The following XKR4 variants were observed in gnomAD, a reference collection of about 807,000 sequenced individuals.
XKR4 encodes the protein XK-related protein 4.
A neutral mutation model predicts 53.9 loss-of-function variants in XKR4; 12 were observed. The ratio of observed to expected loss-of-function variants is 0.22; its 90% CI spans 0.14 to 0.36. The LOEUF is 0.36. Ranked by LOEUF, XKR4 falls within the 10% of genes least tolerant of loss-of-function variation. XKR4 has a pLI of 1.00. For synonymous variants in XKR4, 354 were observed against 362.4 expected, an observed-to-expected ratio of 0.98 and a Z score of 0.26; for missense variants, 799 against 859.5, an observed-to-expected ratio of 0.93 and a Z score of 0.88.
intron 1 of XKR4, among the ~76,000 whole-genome samples, chr8:55,147,305 C>A (rs1206260405): frequency 1.3e-5 from 2 of 152,164 alleles, no homozygotes; most frequent in Non-Finnish European, 2.9e-5. Context: ...AATACAACAG[C>A]CAGTAGCCAT....
intron 2 of XKR4, among the ~76,000 whole-genome samples, chr8:55,510,765 T>C (rs983468517): frequency 7.9e-5 from 12 of 152,240 alleles, no homozygotes; most frequent in African/African-American, 2.9e-4. Context: ...GAAAAACTTT[T>C]TCCTTTTTCA....
intron 1 of XKR4, among the ~76,000 whole-genome samples, chr8:55,255,844 G>A (rs1243053122): frequency 6.6e-6 from 1 of 152,050 alleles, no homozygotes; most frequent in Non-Finnish European, 1.5e-5. Flanking sequence ...AGTGTCCGTT[G>A]TCTGCCAGGC....
At chr8:55,423,178 C>T (rs1189054526) in intron 2 of XKR4, among the ~76,000 whole-genome samples, 1 of 152,020 alleles carries the variant, frequency 6.6e-6, no homozygotes, top group Non-Finnish European at 1.5e-5. Context: ...TTACTGCAAC[C>T]TCTACCTCCC....
intron 1 of XKR4, among the ~76,000 whole-genome samples, chr8:55,356,402 A>C (rs1349605849): frequency 2.0e-5 from 3 of 152,196 alleles, no homozygotes; most frequent in Non-Finnish European, 4.4e-5. Context: ...CATTAAAATC[A>C]AGACAAAGAA....
chr8:55,362,449 A>G (rs986257431), intron 2 of XKR4, among the ~76,000 whole-genome samples: 1 of 152,196 alleles, frequency 6.6e-6, no homozygotes, highest in Non-Finnish European at 1.5e-5. Flanking sequence ...TGGTGACAAT[A>G]AAATCAAGCA....
chr8:55,164,280 G>A (rs1463397526), intron 1 of XKR4: 7 of 455,878 alleles, frequency 1.5e-5, no homozygotes, highest in African/African-American at 6.0e-5. Context: ...CCTGACCCTC[G>A]TCCATTCTCC....
intron 2 of XKR4, among the ~76,000 whole-genome samples, chr8:55,372,547 CTTT>C (rs199937774): frequency 1.4e-5 from 2 of 139,420 alleles, no homozygotes. Context: ...TCCCAGATAG[CTTT>C]TTTTTTTTTT....
intron 1 of XKR4, among the ~76,000 whole-genome samples, chr8:55,152,023 C>T (rs2129355774): frequency 6.6e-6 from 1 of 152,200 alleles, no homozygotes; most frequent in South Asian, 2.1e-4. Context: ...ATTTTTAAGG[C>T]TTCTGATTTA....
chr8:55,493,012 A>G (rs183843768), intron 2 of XKR4, among the ~76,000 whole-genome samples: 6 of 152,358 alleles, frequency 3.9e-5, no homozygotes, highest in Admixed American at 1.3e-4. Context: ...AACTATGCCA[A>G]CAATGACTCT....
At chr8:55,115,346 G>T (rs959266915) in intron 1 of XKR4, among the ~76,000 whole-genome samples, 1 of 151,408 alleles carries the variant, frequency 6.6e-6, no homozygotes, top group Non-Finnish European at 1.5e-5. Context: ...GTATAGCAAG[G>T]GTTGTTGCTT....
At chr8:55,282,421 C>T (rs1414002180) in intron 1 of XKR4, among the ~76,000 whole-genome samples, 1 of 152,162 alleles carries the variant, frequency 6.6e-6, no homozygotes. Context: ...ATATAAGAAG[C>T]ATGGGTGCCA....
Position 55,310,706 on chromosome 8 carries a change from C to T in XKR4, c.807-46972C>T, listed in dbSNP as rs143247233. On this transcript the variant is annotated intron_variant, in intron 1 of 2. Transcript: ENST00000327381. Reference sequence around the variant, plus strand: ...GGCTAAAAGTTTGGGTGTAAAAAGACGCTTGAATTAACTCAACAGACATTT... The same window carrying T: ...GGCTAAAAGTTTGGGTGTAAAAAGATGCTTGAATTAACTCAACAGACATTT... 6.0e-3 allele frequency among the ~76,000 whole-genome samples: 920 copies of T among 152,288 alleles called. 10 individuals carry two copies. Among genetic ancestry groups the T allele is most frequent in the African/African-American group, 0.019 (808 of 41,560 alleles).
intron 2 of XKR4, among the ~76,000 whole-genome samples, chr8:55,362,937 T>A (rs115909905): frequency 0.01 from 1,546 of 152,278 alleles, 11 homozygotes; most frequent in Middle Eastern, 0.027. Context: ...TGAGGGTGTA[T>A]AAACCACAGC....
chr8:55,213,728 G>A (rs928922281), intron 1 of XKR4, among the ~76,000 whole-genome samples: 2 of 152,094 alleles, frequency 1.3e-5, no homozygotes, highest in African/African-American at 4.8e-5. Flanking sequence ...ACATTTTGGA[G>A]GTTAGAAGTA....
At chr8:55,368,761 G>C (rs1407539618) in intron 2 of XKR4, among the ~76,000 whole-genome samples, 1 of 152,174 alleles carries the variant, frequency 6.6e-6, no homozygotes, top group Non-Finnish European at 1.5e-5. Flanking sequence ...AAAGTCCTCT[G>C]ACTGAAGAAT....
intron 1 of XKR4, among the ~76,000 whole-genome samples, chr8:55,322,964 A>AT (rs1232956165): frequency 6.6e-6 from 1 of 152,030 alleles, no homozygotes. Flanking sequence ...GTCATCTTGT[A>AT]TTTTTTTCTC....
chr8:55,164,703 A>G (rs1817040543), intron 1 of XKR4: 1 of 293,686 alleles, frequency 3.4e-6, no homozygotes, highest in Admixed American at 4.3e-5. Flanking sequence ...AAGTCAAATC[A>G]AACCCATGTA....
chr8:55,238,026 C>T (rs1818158711), intron 1 of XKR4, among the ~76,000 whole-genome samples: 1 of 152,132 alleles, frequency 6.6e-6, no homozygotes, highest in Admixed American at 6.5e-5. Flanking sequence ...GTCTTGGTCA[C>T]ACATTTCCTC....
At chr8:55,139,832 G>A (rs1037318469) in intron 1 of XKR4, among the ~76,000 whole-genome samples, 18 of 152,086 alleles carry the variant, frequency 1.2e-4, no homozygotes, top group Non-Finnish European at 2.4e-4. Flanking sequence ...CTGGCAGAGA[G>A]TATTTAGGAA....
Sources: gnomAD v4.1 joint callset for allele counts (sites outside exome capture counted in the v4.1 genomes callset) on GRCh38, gnomAD v4.1.1 for gene constraint, MANE v1.5 for transcripts, NCBI Gene and HGNC (gene_info 2026-07-23, HGNC 2026-07-21) for gene names.